Variants in DRD2 observed in about 807,000 individuals in gnomAD.
DRD2 encodes dopamine receptor D2.
DRD2 carries 8 observed loss-of-function variants against 38.0 expected under a neutral mutation model. The observed-to-expected ratio is 0.21, with a 90% CI of 0.12 to 0.38. The LOEUF (loss-of-function observed/expected upper bound fraction) is 0.38. Among genes scored for constraint, DRD2 ranks in the 10% least tolerant of loss-of-function variants. DRD2 has a pLI of 1.00. For missense variants in DRD2, 403 were observed against 607.7 expected (o/e 0.66, Z 3.54); for synonymous variants, 230 against 238.6 (o/e 0.96, Z 0.33).
intron 1 of DRD2, among the ~76,000 whole-genome samples, chr11:113,463,101 G>T (rs1344587981): frequency 6.6e-6 from 1 of 152,206 alleles, no homozygotes; most frequent in Non-Finnish European, 1.5e-5. Flanking sequence ...TGGTGCTGTA[G>T]CCCCATCACA....
At chr11:113,413,006 C>T in intron 6 of DRD2, 123 bp from the exon 7 acceptor site, 2 of 1,123,626 alleles carry the variant, frequency 1.8e-6, no homozygotes, top group South Asian at 1.5e-5. Context: ...GGTCACCCTG[C>T]CAGGGAGGCA....
chr11:113,452,469 TGC>T (rs150781651), intron 1 of DRD2, among the ~76,000 whole-genome samples: 3,686 of 118,706 alleles, frequency 0.031, 133 homozygotes, highest in Admixed American at 0.13. Flanking sequence ...TGTGTGTGTG[TGC>T]GCGCGCGCGC....
chr11:113,440,091 G>A (rs1436363953), intron 1 of DRD2, among the ~76,000 whole-genome samples: 2 of 152,050 alleles, frequency 1.3e-5, no homozygotes, highest in Admixed American at 1.3e-4. Context: ...CTTAAGGAGA[G>A]TAATTCTGGA....
At chr11:113,415,699 C>T in intron 4 of DRD2, 88 bp from the exon 5 acceptor site, 2 of 1,446,124 alleles carry the variant, frequency 1.4e-6, no homozygotes, top group Non-Finnish European at 1.9e-6. Flanking sequence ...CTTCCAGGAA[C>T]AAGGAGCGAT....
At chr11:113,434,706 G>C (rs1951019417) in intron 1 of DRD2, among the ~76,000 whole-genome samples, 1 of 152,218 alleles carries the variant, frequency 6.6e-6, no homozygotes, top group Non-Finnish European at 1.5e-5. Flanking sequence ...CTTCTGGAAG[G>C]CCCAGGGCTT....
At chr11:113,461,708 T>C (rs529223262) in intron 1 of DRD2, among the ~76,000 whole-genome samples, 2 of 152,322 alleles carry the variant, frequency 1.3e-5, no homozygotes, top group African/African-American at 2.4e-5. Context: ...AGAGCATTAG[T>C]CTGAGATCCT....
At chr11:113,470,568 G>T (rs539992212) in intron 1 of DRD2, among the ~76,000 whole-genome samples, 6 of 152,256 alleles carry the variant, frequency 3.9e-5, no homozygotes, top group Admixed American at 3.9e-4. Context: ...AGACAGCAAA[G>T]AATTCCCTCA....
chr11:113,437,216 C>T (rs1258110841), intron 1 of DRD2, among the ~76,000 whole-genome samples: 2 of 152,232 alleles, frequency 1.3e-5, no homozygotes, highest in East Asian at 3.9e-4. Flanking sequence ...AGATATGATC[C>T]CCATGCTACA....
intron 1 of DRD2, among the ~76,000 whole-genome samples, chr11:113,428,409 C>T (rs1212649420): frequency 6.6e-6 from 1 of 152,172 alleles, no homozygotes; most frequent in African/African-American, 2.4e-5. Context: ...GCAGCGAGGC[C>T]TTGAAAGAGG....
rs1950917194 is a variant in DRD2, at chr11:113,424,394, C to T, written c.258G>A (p.Leu86=). The T allele has an allele frequency of 2.5e-6, 4 of 1,614,070 alleles. No homozygotes were observed. The highest frequency in any genetic ancestry group is 1.6e-4 in the Middle Eastern group (1 of 6,084). The change falls in exon 2 of 8, where the codon CTG becomes CTA. Residue 86 remains leucine (L), a synonymous_variant. Coordinates refer to ENST00000362072, the MANE Select transcript of DRD2 (RefSeq NM_000795.4). ...CCAGGTAGACAACCCAGGGCATGAC[C>T]AGTGTGGCGACGAGGAGGTCGGCCA... ...LAVADLLVAT[L]VMPWVVYLEV... is the part of the protein sequence containing the mutation.
rs867119045 is a variant in DRD2 at position 113,415,195 on chromosome 11, C to G, written c.723+226G>C. On this transcript the variant is annotated intron_variant, in intron 5 of 7. Coordinates refer to ENST00000362072, the MANE Select transcript of DRD2 (RefSeq NM_000795.4). ...CAAAGATCTCCAAGCAAAGACTTCC[C>G]CTTGTTATTTAGTGTCATGGACCCT... is the stretch of plus-strand genomic sequence containing the variant. The G allele has an allele frequency of 6.2e-5, 27 of 437,470 alleles. 1 individual carries two copies. The Middle Eastern group carries it at 3.0e-3, about 49-fold the overall frequency. The allele number at this position is 437,470 out of a possible 1,614,324, so 27.1% of individuals were successfully genotyped here.
Position 113,412,775 on chromosome 11 carries a change from G to C in DRD2, c.919C>G (p.Leu307Val). 1.9e-6 allele frequency: 3 copies of C among 1,613,776 alleles called. No individual in the cohort carries two copies. The highest frequency in any genetic ancestry group is 2.5e-6 in the Non-Finnish European group (3 of 1,179,726). The change falls in exon 7 of 8, where the codon CTC becomes GTC. Residue 307 changes from leucine to valine, a missense_variant. Transcript: ENST00000362072. ...PIPPSHHQLT[L>V]PDPSHHGLHS... is the part of the protein sequence containing the mutation. The stretch of plus-strand genomic sequence containing the variant: ...AGACCATGGTGGGACGGGTCGGGGA[G>C]AGTCAGCTGGTGGTGGCTGGGTGGG...
intron 1 of DRD2, among the ~76,000 whole-genome samples, chr11:113,456,554 T>C (rs555789096): frequency 2.8e-4 from 42 of 152,268 alleles, no homozygotes; most frequent in African/African-American, 9.9e-4. Context: ...TATTTTTCAA[T>C]AAAAATACAA....
chr11:113,437,680 G>T (rs1220763612), intron 1 of DRD2, among the ~76,000 whole-genome samples: 1 of 152,134 alleles, frequency 6.6e-6, no homozygotes, highest in Non-Finnish European at 1.5e-5. Flanking sequence ...CACAGGGCAT[G>T]CTCGAGTCTG....
rs970039266 is a variant in DRD2, at chr11:113,414,590, A to G, written c.724-129T>C. Reference sequence around the variant, plus strand: ...CTCAGAGATCAGGAGGGTGGGGGCCAGAGGAGGCAGTTGGGGCAAGGGGGA... The same window carrying G: ...CTCAGAGATCAGGAGGGTGGGGGCCGGAGGAGGCAGTTGGGGCAAGGGGGA... On this transcript the variant is annotated intron_variant, in intron 5 of 7. Coordinates refer to ENST00000362072, the MANE Select transcript of DRD2 (RefSeq NM_000795.4). 54 of 921,034 alleles carry G rather than the reference A, an allele frequency of 5.9e-5. No homozygotes were observed. In the African/African-American group the frequency reaches 8.5e-4, roughly 14 times the overall value. The allele number at this position is 921,034 out of a possible 1,614,324, so 57.1% of individuals were successfully genotyped here.
At chr11:113,458,984 A>G (rs1951292208) in intron 1 of DRD2, among the ~76,000 whole-genome samples, 1 of 152,188 alleles carries the variant, frequency 6.6e-6, no homozygotes, top group African/African-American at 2.4e-5. Flanking sequence ...AGATAAACCT[A>G]GCATATGTAG....
intron 1 of DRD2, among the ~76,000 whole-genome samples, chr11:113,428,231 C>G (rs973408580): frequency 1.3e-5 from 2 of 152,166 alleles, no homozygotes; most frequent in Admixed American, 1.3e-4. Flanking sequence ...CTCTCAGGAT[C>G]AAGATGTGCA....
At chr11:113,424,736 C>T (rs1403614408) in intron 1 of DRD2, 54 bp from the exon 2 acceptor site, 1 of 1,562,870 alleles carries the variant, frequency 6.4e-7, no homozygotes, top group African/African-American at 1.3e-5. Flanking sequence ...TTGCAGAGGT[C>T]TCCAGGAAGA....
chr11:113,415,154 T>G, intron 5 of DRD2: 1 of 389,236 alleles, frequency 2.6e-6, no homozygotes, highest in Admixed American at 4.2e-5. Flanking sequence ...CAAGCAAGAG[T>G]TGCCGCCTTC....
Sources: allele counts gnomAD v4.1 joint callset (sites outside exome capture counted in the v4.1 genomes callset), GRCh38; gene constraint gnomAD v4.1.1; transcripts MANE v1.5; gene names NCBI Gene and HGNC (gene_info 2026-07-23, HGNC 2026-07-21).